RGL1: variants seen among roughly 807,000 people sequenced by gnomAD.
The protein encoded by RGL1 is ral guanine nucleotide dissociation stimulator like 1.
In RGL1, 24 loss-of-function variants were observed where a neutral mutation model predicts 95.2. The observed-to-expected ratio is 0.25, with a 90% confidence interval of 0.18 to 0.35. RGL1 has a LOEUF of 0.35. Among genes scored for constraint, RGL1 ranks in the 10% least tolerant of loss-of-function variants. The pLI is 1.00. For missense variants in RGL1, 715 were observed against 936.3 expected, an observed-to-expected ratio of 0.76 and a Z score of 3.08; for synonymous variants, 329 against 344.9, an observed-to-expected ratio of 0.95 and a Z score of 0.51.
At chr1:183,660,083 G>T (rs1651496090) in intron 1 of RGL1, among the ~76,000 whole-genome samples, 2 of 152,146 alleles carry the variant, frequency 1.3e-5, no homozygotes, top group South Asian at 4.1e-4. Context: ...GGAACACCCG[G>T]TACTAGCCAC....
chr1:183,802,537 A>C (rs1661047833), upstream of RGL1, among the ~76,000 whole-genome samples: 1 of 136,198 alleles, frequency 7.3e-6, no homozygotes, highest in African/African-American at 2.6e-5. Context: ...TAATATGGAC[A>C]TTTTAACATA....
intron 1 of RGL1, among the ~76,000 whole-genome samples, chr1:183,665,509 G>C (rs138564561): frequency 6.6e-6 from 1 of 152,222 alleles, no homozygotes; most frequent in African/African-American, 2.4e-5. Flanking sequence ...ACCTATCTGT[G>C]CCTGGTGCTA....
chr1:183,823,513 C>A (rs1162804729), intron 2 of RGL1, among the ~76,000 whole-genome samples: 4 of 152,178 alleles, frequency 2.6e-5, no homozygotes, highest in African/African-American at 9.7e-5. Context: ...CATGGCTAAA[C>A]ATAAAGCTCT....
intron 1 of RGL1, among the ~76,000 whole-genome samples, chr1:183,693,025 G>C (rs10158108): frequency 0.022 from 3,393 of 151,568 alleles, 128 homozygotes; most frequent in African/African-American, 0.078. Context: ...CACGATCTCA[G>C]CTCACTGCAA....
Position 183,771,326 on chromosome 1 carries a change from T to A in RGL1, c.132+29037T>A, listed in dbSNP as rs376342166. On this transcript the variant is annotated intron_variant, in intron 2 of 18. Transcript: ENST00000304685. ...GAAAAAAAAAAAACAAGAAAAAAAA[T>A]GACCAGTTTTTTCAGGGCCTGGAAA... Among the ~76,000 whole-genome samples the A allele has an allele frequency of 2.4e-4, 36 of 150,828 alleles. No individual in the cohort carries two copies. In the East Asian group the frequency reaches 7.0e-3, roughly 29 times the overall value.
intron 3 of RGL1, among the ~76,000 whole-genome samples, chr1:183,859,838 G>A (rs988899518): frequency 2.0e-5 from 3 of 152,198 alleles, no homozygotes; most frequent in Non-Finnish European, 4.4e-5. Flanking sequence ...GTGGTAACAA[G>A]ACCTTTCCAA....
intron 16 of RGL1, among the ~76,000 whole-genome samples, 155 bp from the exon 17 acceptor site, chr1:183,922,067 C>T (rs1171400562): frequency 6.6e-6 from 1 of 152,184 alleles, no homozygotes; most frequent in Non-Finnish European, 1.5e-5. Flanking sequence ...GACTAGAAAC[C>T]AGGGATCCTG....
At chr1:183,802,834 T>C (rs1315925313), upstream of RGL1, among the ~76,000 whole-genome samples, 2 of 152,172 alleles carry the variant, frequency 1.3e-5, no homozygotes, top group African/African-American at 4.8e-5. Flanking sequence ...TTAACAAAAC[T>C]TAACCTATCC....
At chr1:183,841,002 CCT>C (rs1664023697) in intron 2 of RGL1, among the ~76,000 whole-genome samples, 1 of 152,156 alleles carries the variant, frequency 6.6e-6, no homozygotes, top group Non-Finnish European at 1.5e-5. Flanking sequence ...CCATGTCTTG[CCT>C]CTCTCTCCAC....
At chr1:183,738,314 G>A (rs1434972405) in intron 1 of RGL1, among the ~76,000 whole-genome samples, 1 of 152,070 alleles carries the variant, frequency 6.6e-6, no homozygotes, top group Non-Finnish European at 1.5e-5. Flanking sequence ...CCAGCTACTC[G>A]GGAGGCTGAG....
chr1:183,832,806 A>G (rs1663350650), intron 2 of RGL1, among the ~76,000 whole-genome samples: 1 of 152,228 alleles, frequency 6.6e-6, no homozygotes, highest in African/African-American at 2.4e-5. Context: ...TAAGATATAT[A>G]CAAAATGCTT....
intron 2 of RGL1, among the ~76,000 whole-genome samples, chr1:183,833,657 T>G (rs1295243481): frequency 6.6e-6 from 1 of 152,232 alleles, no homozygotes; most frequent in African/African-American, 2.4e-5. Context: ...AACTAAAACC[T>G]TAGAACCTTG....
At chr1:183,898,125 T>C (rs1026228815) in intron 10 of RGL1, among the ~76,000 whole-genome samples, 1 of 152,202 alleles carries the variant, frequency 6.6e-6, no homozygotes, top group African/African-American at 2.4e-5. Flanking sequence ...CAAATCCTGT[T>C]TTCTGGCAAA....
At chr1:183,922,585 A>G (rs1390709106) in intron 17 of RGL1, among the ~76,000 whole-genome samples, 1 of 152,174 alleles carries the variant, frequency 6.6e-6, no homozygotes, top group Non-Finnish European at 1.5e-5. Context: ...TCTTCTGCCC[A>G]GTCTTTCTGA....
rs1208953162 is a variant in RGL1, at chr1:183,742,193, G to C, written c.36G>C (p.Glu12Asp). The C allele has an allele frequency of 5.0e-6, 8 of 1,613,960 alleles. No homozygotes were observed. The Admixed American group carries it at 1.3e-4, about 27-fold the overall frequency. Residue 12 changes from glutamate (E) to aspartate (D), a missense_variant, in exon 2 of 19, where the codon GAG becomes GAC. Coordinates refer to the RGL1 transcript ENST00000304685. ...AACCTGTGGGAGAACCTACTCAAGA[G>C]GTGTCTAAATTCAAACTTTCCACCA...
At chr1:183,696,184 A>C (rs527894982) in intron 1 of RGL1, among the ~76,000 whole-genome samples, 97 of 152,146 alleles carry the variant, frequency 6.4e-4, no homozygotes, top group Non-Finnish European at 1.2e-3. Flanking sequence ...ACCCATCATC[A>C]GCATTTGACA....
chr1:183,922,747 G>C (rs1026257604), intron 17 of RGL1, among the ~76,000 whole-genome samples: 1 of 152,142 alleles, frequency 6.6e-6, no homozygotes, highest in Non-Finnish European at 1.5e-5. Flanking sequence ...AGTGGTTCCT[G>C]TAATAATTTC....
At chr1:183,840,529 T>G (rs1393448421) in intron 2 of RGL1, among the ~76,000 whole-genome samples, 1 of 152,066 alleles carries the variant, frequency 6.6e-6, no homozygotes, top group East Asian at 1.9e-4. Flanking sequence ...CTCTGCCTGC[T>G]GTGCCCTCCC....
chr1:183,753,972 A>G (rs1349442521), intron 2 of RGL1, among the ~76,000 whole-genome samples: 4 of 147,660 alleles, frequency 2.7e-5, no homozygotes, highest in Admixed American at 2.7e-4. Flanking sequence ...TTTTTCTTGG[A>G]AAGAAGGAAA....
Sources: gnomAD v4.1 joint callset for allele counts (sites outside exome capture counted in the v4.1 genomes callset) on GRCh38, gnomAD v4.1.1 for gene constraint, MANE v1.5 for transcripts, NCBI Gene and HGNC (gene_info 2026-07-23, HGNC 2026-07-21) for gene names.